The following ANKFN1 variants were observed in gnomAD, a reference collection of about 807,000 sequenced individuals.
ANKFN1 encodes ankyrin repeat and fibronectin type-III domain-containing protein 1.
ANKFN1 carries 74 observed loss-of-function variants against 108.7 expected under a neutral mutation model. The observed-to-expected ratio is 0.68, with a 90% CI of 0.56 to 0.83. The LOEUF is 0.83. Among genes scored for constraint, ANKFN1 ranks in the 40% least tolerant of loss-of-function variants. The pLI, the probability that ANKFN1 is intolerant of heterozygous loss-of-function variation, is 0.00. For missense variants in ANKFN1, 1,505 were observed against 1,382.3 expected, an observed-to-expected ratio of 1.09 and a Z score of -1.41; for synonymous variants, 547 against 516.2, an observed-to-expected ratio of 1.06 and a Z score of -0.81.
chr17:56,088,543 T>C (rs573485617), intron 4 of ANKFN1, among the ~76,000 whole-genome samples: 1 of 150,996 alleles, frequency 6.6e-6, no homozygotes, highest in South Asian at 2.1e-4. Context: ...ATCTCTCTGA[T>C]ATGTCCCTCT....
intron 3 of ANKFN1, among the ~76,000 whole-genome samples, chr17:56,275,894 G>A (rs2043917210): frequency 6.6e-6 from 1 of 151,984 alleles, no homozygotes; most frequent in African/African-American, 2.4e-5. Flanking sequence ...TAAGTTCTAG[G>A]GTACATGTGT....
At chr17:56,064,775 A>G (rs1274812022) in intron 4 of ANKFN1, among the ~76,000 whole-genome samples, 1 of 152,190 alleles carries the variant, frequency 6.6e-6, no homozygotes, top group African/African-American at 2.4e-5. Flanking sequence ...GGAGCTAAGT[A>G]GGCTTAAGCA....
intron 3 of ANKFN1, among the ~76,000 whole-genome samples, chr17:56,255,248 A>G (rs1379299412): frequency 6.6e-6 from 1 of 152,088 alleles, no homozygotes; most frequent in East Asian, 1.9e-4. Flanking sequence ...CCTCAAATAT[A>G]CTGGAGGGAA....
At chr17:56,178,761 A>G (rs1337427304) in intron 1 of ANKFN1, among the ~76,000 whole-genome samples, 1 of 152,170 alleles carries the variant, frequency 6.6e-6, no homozygotes, top group East Asian at 1.9e-4. Context: ...TGGTTTTTGC[A>G]GCAGAACTTC....
chr17:56,194,236 G>T (rs1437890242), intron 1 of ANKFN1, among the ~76,000 whole-genome samples: 1 of 152,186 alleles, frequency 6.6e-6, no homozygotes, highest in Non-Finnish European at 1.5e-5. Flanking sequence ...TACTTTTGCT[G>T]TACTACCCAG....
At chr17:56,325,294 A>T (rs1352368374) in intron 3 of ANKFN1, among the ~76,000 whole-genome samples, 1 of 148,956 alleles carries the variant, frequency 6.7e-6, no homozygotes, top group Non-Finnish European at 1.5e-5. Context: ...GTGTGTGTGC[A>T]CGTGTGCAGT....
At chr17:56,177,162 T>G (rs1911248513) in intron 1 of ANKFN1, among the ~76,000 whole-genome samples, 1 of 152,196 alleles carries the variant, frequency 6.6e-6, no homozygotes, top group African/African-American at 2.4e-5. Flanking sequence ...AACAGTTGAC[T>G]AGCCACCACG....
At chr17:56,099,729 G>T (rs1167576914) in intron 4 of ANKFN1, among the ~76,000 whole-genome samples, 1 of 152,226 alleles carries the variant, frequency 6.6e-6, no homozygotes, top group Admixed American at 6.5e-5. Context: ...AAGAAAGTCT[G>T]TTCTTCATTA....
intron 1 of ANKFN1, among the ~76,000 whole-genome samples, chr17:56,197,344 C>A (rs909442804): frequency 1.3e-5 from 2 of 152,150 alleles, no homozygotes; most frequent in Admixed American, 1.3e-4. Context: ...AAGTAGGAAA[C>A]ACTGAATTTG....
intron 3 of ANKFN1, among the ~76,000 whole-genome samples, chr17:56,244,007 G>A (rs1214907920): frequency 6.6e-6 from 1 of 152,060 alleles, no homozygotes; most frequent in Non-Finnish European, 1.5e-5. Context: ...AACTATCAGG[G>A]GTGGGGAGTG....
chr17:56,510,381 T>C (rs2051706416), intron 20 of ANKFN1, 92 bp from the exon 21 acceptor site: 2 of 1,083,082 alleles, frequency 1.8e-6, no homozygotes, highest in Non-Finnish European at 2.6e-6. Flanking sequence ...AGGCCCCTTC[T>C]AAGTGCGGGG....
chr17:56,069,228 C>A (rs1195394377), intron 4 of ANKFN1, among the ~76,000 whole-genome samples: 2 of 152,082 alleles, frequency 1.3e-5, no homozygotes, highest in African/African-American at 2.4e-5. Context: ...TTTTTCCTGG[C>A]CTGTTTAATT....
chr17:56,313,271 C>T (rs73991461), intron 3 of ANKFN1, among the ~76,000 whole-genome samples: 1 of 152,002 alleles, frequency 6.6e-6, no homozygotes, highest in Non-Finnish European at 1.5e-5. Context: ...TGAAAGGGAG[C>T]CAGTCCCATG....
chr17:56,449,329 A>G, intron 11 of ANKFN1, 143 bp downstream of exon 11: 1 of 533,198 alleles, frequency 1.9e-6, no homozygotes. Flanking sequence ...ACTTTACAGC[A>G]CTATCTTGCT....
rs530263558 is a variant in ANKFN1, at chr17:56,512,330, C to T, written c.*1061C>T. On this transcript the variant is annotated 3_prime_UTR_variant, in exon 21 of 21. Transcript: ENST00000682825. ...TCACCCTACATCATAGATCAAGGGG[C>T]AGATTGTCCAGGGCTAGGGTGGCTG... Among the ~76,000 whole-genome samples, 63 of 152,178 alleles carry T rather than the reference C, an allele frequency of 4.1e-4. No homozygotes were observed. The highest frequency in any genetic ancestry group is 7.8e-4 in the Non-Finnish European group (53 of 68,030).
chr17:56,467,803 A>AGAAAG lies in ANKFN1; in HGVS notation c.1773+1232_1773+1233insGAAAG, dbSNP rs1568026458. Among the ~76,000 whole-genome samples, 13 of 26,296 alleles carry AGAAAG rather than the reference A, an allele frequency of 4.9e-4. 2 individuals are homozygous for AGAAAG. The highest frequency in any genetic ancestry group is 2.3e-3 in the African/African-American group (13 of 5,756). 17.3% of individuals were successfully genotyped at this position (26,296 alleles called of 152,430 possible). ...AGAAAGAAAGAAAGAAGAAAGAAAG[A>AGAAAG]AAGAAAGAAAGAAAGAAAGAAAGAA... On this transcript the variant is annotated intron_variant, in intron 15 of 20. Coordinates refer to ENST00000682825, the MANE Select transcript of ANKFN1 (RefSeq NM_001370326.1).
At chr17:56,287,637 C>G (rs2044252667) in intron 3 of ANKFN1, among the ~76,000 whole-genome samples, 1 of 152,194 alleles carries the variant, frequency 6.6e-6, no homozygotes, top group Non-Finnish European at 1.5e-5. Flanking sequence ...TATTCTGCAT[C>G]TGGGTATAGG....
intron 1 of ANKFN1, among the ~76,000 whole-genome samples, chr17:56,180,365 C>T (rs1356285492): frequency 6.6e-6 from 1 of 152,156 alleles, no homozygotes; most frequent in Non-Finnish European, 1.5e-5. Flanking sequence ...TACTCAAGGT[C>T]TCTTCTGTAA....
At chr17:56,260,406 T>C (rs2043478592) in intron 3 of ANKFN1, among the ~76,000 whole-genome samples, 1 of 151,448 alleles carries the variant, frequency 6.6e-6, no homozygotes, top group South Asian at 2.1e-4. Context: ...AAATCGGTGG[T>C]GGTGGTGGTG....
Sources: allele counts gnomAD v4.1 joint callset (sites outside exome capture counted in the v4.1 genomes callset), GRCh38; gene constraint gnomAD v4.1.1; transcripts MANE v1.5; gene names NCBI Gene and HGNC (gene_info 2026-07-23, HGNC 2026-07-21).